The following TNS1 variants were observed in gnomAD, a reference collection of about 807,000 sequenced individuals.
TNS1 encodes the protein tensin 1.
TNS1 carries 62 observed loss-of-function variants against 168.6 expected under a neutral mutation model. That is an observed-to-expected ratio of 0.37 (90% confidence interval 0.30 to 0.45). The LOEUF (loss-of-function observed/expected upper bound fraction) is 0.45. Among genes scored for constraint, TNS1 ranks in the 20% least tolerant of loss-of-function variants. The pLI, the probability that TNS1 is intolerant of heterozygous loss-of-function variation, is 1.00. For missense variants in TNS1, 2,240 were observed against 2,339.4 expected, an observed-to-expected ratio of 0.96 and a Z score of 0.88; for synonymous variants, 934 against 933.2, an observed-to-expected ratio of 1.00 and a Z score of -0.02.
chr2:217,958,457 T>G (rs1176981655), intron 3 of TNS1, among the ~76,000 whole-genome samples: 2 of 152,176 alleles, frequency 1.3e-5, no homozygotes, highest in African/African-American at 4.8e-5. Context: ...AAGAGCACGC[T>G]GGCGGTGGGT....
At chr2:217,945,763 G>A (rs143031921) in intron 3 of TNS1, among the ~76,000 whole-genome samples, 2 of 152,176 alleles carry the variant, frequency 1.3e-5, no homozygotes, top group East Asian at 1.9e-4. Context: ...CCAACTCTAC[G>A]GCAAAGGTGA....
chr2:217,964,473 G>A (rs950491633), intron 3 of TNS1, among the ~76,000 whole-genome samples: 2 of 152,190 alleles, frequency 1.3e-5, no homozygotes, highest in African/African-American at 2.4e-5. Flanking sequence ...CCACCTTACC[G>A]GCTGTGTGAG....
chr2:217,966,308 T>TGTGCGTGC (rs372273499), intron 3 of TNS1, among the ~76,000 whole-genome samples: 9 of 133,674 alleles, frequency 6.7e-5, no homozygotes, highest in African/African-American at 2.7e-4. Context: ...TGTGTGTGTG[T>TGTGCGTGC]GCGCGCGCGC....
At chr2:217,836,827 C>T (rs1318050140) in intron 19 of TNS1, among the ~76,000 whole-genome samples, 3 of 152,146 alleles carry the variant, frequency 2.0e-5, no homozygotes. Context: ...CTTAGCTCCC[C>T]GCCCCCTTTT....
At chr2:217,966,146 T>A (rs1342756443) in intron 3 of TNS1, among the ~76,000 whole-genome samples, 1 of 152,090 alleles carries the variant, frequency 6.6e-6, no homozygotes, top group African/African-American at 2.4e-5. Flanking sequence ...AGCCGCAGCG[T>A]CAGAAACGCT....
At chr2:217,935,786 G>A (rs1026335660) in intron 3 of TNS1, among the ~76,000 whole-genome samples, 4 of 152,224 alleles carry the variant, frequency 2.6e-5, no homozygotes, top group Non-Finnish European at 5.9e-5. Flanking sequence ...CAGCCTGCAT[G>A]CCAGACCCGC....
chr2:217,849,304 C>G (rs1016975331), intron 18 of TNS1, among the ~76,000 whole-genome samples: 2 of 152,160 alleles, frequency 1.3e-5, no homozygotes, highest in Non-Finnish European at 2.9e-5. Flanking sequence ...GCTTCAGGGC[C>G]GGGCAGTGGA....
chr2:217,912,514 CG>C (rs1468883773), intron 4 of TNS1, among the ~76,000 whole-genome samples: 2 of 152,214 alleles, frequency 1.3e-5, no homozygotes, highest in African/African-American at 4.8e-5. Flanking sequence ...AGGTCACCAT[CG>C]CACTGCCTAT....
intron 3 of TNS1, among the ~76,000 whole-genome samples, chr2:217,977,862 C>T (rs1041955256): frequency 2.6e-5 from 4 of 152,126 alleles, no homozygotes; most frequent in Admixed American, 6.5e-5. Context: ...GAAGAGCAAA[C>T]GTAGGGAGTG....
In TNS1 at chr2:217,802,626, A is replaced by AAGGCCT. The variant is rs1291927248; in HGVS notation, c.*1832_*1833insAGGCCT. 6.6e-6 allele frequency: 1 copy of AAGGCCT among 152,492 alleles called. No homozygotes were observed. Among genetic ancestry groups the AAGGCCT allele is most frequent in the Non-Finnish European group, 1.5e-5 (1 of 68,044 alleles). 9.4% of individuals were successfully genotyped at this position (152,492 alleles called of 1,614,324 possible). On this transcript the variant is annotated 3_prime_UTR_variant, in exon 33 of 33. Transcript: ENST00000682258. ...ACACAGTCTAGGGAAGGCCAAGGCC[A>AAGGCCT]GGGCAAGGAGACCCTGGCTGCTTCA...
rs1459699367 is a variant in TNS1, at chr2:217,948,605, T to A, written c.187-28369A>T. The stretch of plus-strand genomic sequence containing the variant: ...CTCCCAGGGTGCTTCCATCTCAGGA[T>A]CACCCCCTAGTGGGGCCTCCTCACT... On this transcript the variant is annotated intron_variant, in intron 3 of 32. Coordinates refer to ENST00000682258, the MANE Select transcript of TNS1 (RefSeq NM_001387777.1). This position sits in a 1 kb window ranked among gnomAD's most constrained non-coding sequence, Gnocchi z 4.1. Among the ~76,000 whole-genome samples the A allele has an allele frequency of 6.6e-6, 1 of 152,118 alleles. No homozygotes were observed. Among genetic ancestry groups the A allele is most frequent in the Non-Finnish European group, 1.5e-5 (1 of 68,004 alleles).
chr2:217,912,281 T>C (rs73990612), intron 4 of TNS1, among the ~76,000 whole-genome samples: 1 of 152,154 alleles, frequency 6.6e-6, no homozygotes, highest in Non-Finnish European at 1.5e-5. Context: ...GAGGTTCCCA[T>C]GCCTGAGCCC....
chr2:217,850,491 G>A, intron 18 of TNS1: 3 of 984,492 alleles, frequency 3.0e-6, no homozygotes, highest in Non-Finnish European at 3.6e-6. Flanking sequence ...GGGGCCAAAG[G>A]GCTGACTCAG....
intron 7 of TNS1, among the ~76,000 whole-genome samples, chr2:217,898,461 C>T (rs1017221609): frequency 6.6e-6 from 1 of 152,230 alleles, no homozygotes; most frequent in South Asian, 2.1e-4. Flanking sequence ...CCCTAGCTCT[C>T]GAGCTGTGGA....
At chr2:217,923,548 GGTCCGGGTCTGGAGACATGCTCTT>G (rs1298712720) in intron 3 of TNS1, among the ~76,000 whole-genome samples, 1 of 152,152 alleles carries the variant, frequency 6.6e-6, no homozygotes, top group Non-Finnish European at 1.5e-5. Context: ...GCAAAGTCAG[GGTCCGGGTCTGGAGACATGCTCTT>G]GTCCTCTATG....
intron 3 of TNS1, among the ~76,000 whole-genome samples, chr2:217,970,898 A>G (rs891794941): frequency 1.3e-5 from 2 of 151,896 alleles, no homozygotes; most frequent in African/African-American, 4.8e-5. Context: ...GTTATACCTC[A>G]ATAAAGTTGT....
intron 1 of TNS1, among the ~76,000 whole-genome samples, chr2:218,020,178 G>A (rs1157852900): frequency 6.6e-6 from 1 of 152,178 alleles, no homozygotes; most frequent in South Asian, 2.1e-4. Context: ...CAGATGTTCA[G>A]CATTGTGCAG....
At chr2:217,822,079 T>C in intron 22 of TNS1, 141 bp from the exon 23 acceptor site, 5 of 929,078 alleles carry the variant, frequency 5.4e-6, no homozygotes, top group Middle Eastern at 3.0e-4. Flanking sequence ...CAGGCAGGGC[T>C]CCTGCCTGCC....
chr2:217,972,657 G>A (rs1297171431), intron 3 of TNS1, among the ~76,000 whole-genome samples: 1 of 152,264 alleles, frequency 6.6e-6, no homozygotes, highest in Non-Finnish European at 1.5e-5. Flanking sequence ...CCAAGAGGCT[G>A]AAGCCTGGGC....
Sources: allele counts gnomAD v4.1 joint callset (sites outside exome capture counted in the v4.1 genomes callset), GRCh38; gene constraint gnomAD v4.1.1; non-coding constraint Gnocchi (gnomAD v3.1); transcripts MANE v1.5; gene names NCBI Gene and HGNC (gene_info 2026-07-23, HGNC 2026-07-21).